TRDMT1: variants seen among roughly 807,000 people sequenced by gnomAD.
The protein encoded by TRDMT1 is tRNA aspartic acid methyltransferase 1, also known as tRNA (cytosine(38)-C(5))-methyltransferase.
Under a neutral mutation model 51.2 loss-of-function variants are expected in TRDMT1, and 49 were observed. That is an observed-to-expected ratio of 0.96 (90% CI 0.76 to 1.21). The LOEUF is 1.21. Among genes scored for constraint, TRDMT1 ranks in the 50% most tolerant of loss-of-function variants. The pLI is 0.00. For missense variants in TRDMT1, 534 were observed against 462.3 expected (o/e 1.16, Z -1.42); for synonymous variants, 187 against 164.6 (o/e 1.14, Z -1.04).
chr10:17,148,732 A>T lies in TRDMT1; in HGVS notation c.*308T>A. ...TTCACAAGATACTCATGTAGACACT[A>T]AAGCTCTAGTGCTCCTTGATTTGTT... is the stretch of plus-strand genomic sequence containing the variant. On this transcript the variant is annotated 3_prime_UTR_variant, in exon 11 of 11. Transcript: ENST00000377799. 1 of 1,011,324 alleles carries T rather than the reference A, an allele frequency of 9.9e-7. No homozygotes were observed. Among genetic ancestry groups the T allele is most frequent in the Non-Finnish European group, 1.2e-6 (1 of 846,308 alleles). The allele number at this position is 1,011,324 out of a possible 1,614,324, so 62.6% of individuals were successfully genotyped here.
chr10:17,201,414 G>A, intron 1 of TRDMT1, 157 bp downstream of exon 1: 1 of 660,062 alleles, frequency 1.5e-6, no homozygotes, highest in Non-Finnish European at 2.4e-6. Flanking sequence ...ACACGGCGGC[G>A]CGCAGGAGCT....
intron 9 of TRDMT1, among the ~76,000 whole-genome samples, chr10:17,153,875 G>C (rs1839125759): frequency 6.6e-6 from 1 of 152,128 alleles, no homozygotes; most frequent in East Asian, 1.9e-4. Flanking sequence ...CAGGGTGTCT[G>C]TCATTTTTGA....
chr10:17,144,184 C>T lies in TRDMT1; in HGVS notation c.*4856G>A. The T allele has an allele frequency of 1.0e-6, 1 of 985,734 alleles. No individual in the cohort carries two copies. The highest frequency in any genetic ancestry group is 1.2e-6 in the Non-Finnish European group (1 of 829,964). The allele number at this position is 985,734 out of a possible 1,614,324, so 61.1% of individuals were successfully genotyped here. On this transcript the variant is annotated 3_prime_UTR_variant, in exon 11 of 11. Coordinates refer to ENST00000377799, the MANE Select transcript of TRDMT1 (RefSeq NM_004412.7). The stretch of plus-strand genomic sequence containing the variant: ...TTTTTCTCTTTCTCTCTTTCACTCT[C>T]ATCCTCTGACCCTCTAGGTGATCTC...
intron 1 of TRDMT1, among the ~76,000 whole-genome samples, chr10:17,182,066 T>A (rs1275477061): frequency 2.0e-5 from 3 of 152,134 alleles, no homozygotes; most frequent in African/African-American, 7.2e-5. Context: ...ATAAGCCAAT[T>A]AGGCACAATA....
intron 2 of TRDMT1, chr10:17,171,778 A>G (rs1842051858): frequency 6.6e-6 from 1 of 152,270 alleles, no homozygotes; most frequent in Non-Finnish European, 1.5e-5. Context: ...TCCTCCTAAC[A>G]CGGCAGCTTC....
rs535901612 is a variant in TRDMT1, at chr10:17,169,177, A to T, written c.175-260T>A. ...CAGAGCTGGAACAGTTGTTTCCTGG[A>T]TCCTAAGCACATCTGGCCTGTATCA... On this transcript the variant is annotated intron_variant, in intron 2 of 10. Transcript: ENST00000377799. 8.3e-5 allele frequency: 45 copies of T among 540,486 alleles called. No individual in the cohort carries two copies. In the South Asian group the frequency reaches 1.1e-3, roughly 13 times the overall value. 33.5% of individuals were successfully genotyped at this position (540,486 alleles called of 1,614,324 possible). A position where few individuals can be genotyped will look rare whatever the true frequency, so the allele number is the denominator to read the frequency against.
At chr10:17,155,883 A>G (rs1194707519) in intron 8 of TRDMT1, among the ~76,000 whole-genome samples, 2 of 152,324 alleles carry the variant, frequency 1.3e-5, no homozygotes, top group East Asian at 3.9e-4. Flanking sequence ...CTTTTATGCC[A>G]TCTTTATAAT....
rs763925703 is a variant in TRDMT1, at chr10:17,154,683, A to G, written c.939T>C (p.Asp313=). 5.0e-6 allele frequency: 8 copies of G among 1,599,994 alleles called. No homozygotes were observed. The African/African-American group carries it at 1.1e-4, about 22-fold the overall frequency. ...GTGSVLQTAE[D]VQVENIYKSL... ...TTTAAAACATGCATAGTACCTGCAC[A>G]TCCTCTGCAGTCTGTAACACAGACC... Residue 313 remains aspartate, a synonymous_variant, in exon 9 of 11, where the codon GAT becomes GAC. Coordinates refer to ENST00000377799, the MANE Select transcript of TRDMT1 (RefSeq NM_004412.7).
intron 1 of TRDMT1, 74 bp downstream of exon 1, chr10:17,201,497 G>A (rs1440703868): frequency 1.7e-5 from 20 of 1,165,726 alleles, no homozygotes; most frequent in African/African-American, 6.6e-5. Flanking sequence ...TCGCCGCTCC[G>A]CCCCTTCCCG....
intron 1 of TRDMT1, among the ~76,000 whole-genome samples, chr10:17,177,103 C>A (rs1427494981): frequency 2.0e-5 from 3 of 151,000 alleles, no homozygotes; most frequent in Non-Finnish European, 2.9e-5. Flanking sequence ...AGTTATTATT[C>A]AGGATTTCAT....
intron 1 of TRDMT1, among the ~76,000 whole-genome samples, chr10:17,177,351 G>A (rs1167446532): frequency 5.3e-5 from 8 of 151,914 alleles, no homozygotes; most frequent in African/African-American, 1.9e-4. Flanking sequence ...ACAGACACTT[G>A]CCACCACACC....
At position 17,143,890 on chromosome 10, in the gene TRDMT1, G is replaced by A. The variant is rs747433190; in HGVS notation, c.*5150C>T. On this transcript the variant is annotated 3_prime_UTR_variant, in exon 11 of 11. Transcript: ENST00000377799. ...AGTGGAACTGACTATAGAATGGAGT[G>A]TGCTTAGGTTGCAAGCATGCTAAAT... The A allele has an allele frequency of 4.1e-6, 4 of 984,854 alleles. No individual in the cohort carries two copies. The highest frequency in any genetic ancestry group is 4.8e-6 in the Non-Finnish European group (4 of 829,774). 61.0% of individuals were successfully genotyped at this position (984,854 alleles called of 1,614,324 possible). A position where few individuals can be genotyped will look rare whatever the true frequency, so the allele number is the denominator to read the frequency against.
At chr10:17,154,241 A>G (rs1316726489) in intron 9 of TRDMT1, among the ~76,000 whole-genome samples, 2 of 152,176 alleles carry the variant, frequency 1.3e-5, no homozygotes, top group Non-Finnish European at 2.9e-5. Context: ...GTATTCAACC[A>G]TGACACCATG....
At chr10:17,166,911 C>G (rs2131470131) in intron 3 of TRDMT1, among the ~76,000 whole-genome samples, 1 of 152,270 alleles carries the variant, frequency 6.6e-6, no homozygotes, top group East Asian at 1.9e-4. Flanking sequence ...CTAGAGCCAC[C>G]CTGAGATGGA....
In TRDMT1 at chr10:17,139,109, A is replaced by G; in HGVS notation, c.*9931T>C. The G allele has an allele frequency of 5.4e-6, 5 of 929,476 alleles. No homozygotes were observed. The highest frequency in any genetic ancestry group is 6.4e-6 in the Non-Finnish European group (5 of 778,710). The allele number at this position is 929,476 out of a possible 1,614,324, so 57.6% of individuals were successfully genotyped here. On this transcript the variant is annotated 3_prime_UTR_variant, in exon 11 of 11. Transcript: ENST00000377799. ...CCGGAATGGGGACTTCAGCAGCTCCATTGGATTAATCCAAGCTTGGTTTCC... is the reference window on the plus strand; with the variant it reads ...CCGGAATGGGGACTTCAGCAGCTCCGTTGGATTAATCCAAGCTTGGTTTCC...
chr10:17,153,111 T>G, intron 10 of TRDMT1: 1 of 266,650 alleles, frequency 3.8e-6, no homozygotes, highest in Non-Finnish European at 7.1e-6. Flanking sequence ...TCAACTGCCT[T>G]TTAATTTATA....
intron 3 of TRDMT1, among the ~76,000 whole-genome samples, chr10:17,165,795 G>A (rs1482334200): frequency 6.6e-6 from 1 of 152,222 alleles, no homozygotes; most frequent in Non-Finnish European, 1.5e-5. Context: ...GGCCATCAGA[G>A]AAATGCAAAT....
chr10:17,191,759 G>A (rs1429378471), intron 1 of TRDMT1, among the ~76,000 whole-genome samples: 1 of 152,080 alleles, frequency 6.6e-6, no homozygotes, highest in African/African-American at 2.4e-5. Context: ...TGTATCTTCT[G>A]GCTCCTTTCT....
In TRDMT1 at chr10:17,144,664, A is replaced by G; in HGVS notation, c.*4376T>C. 1.0e-6 allele frequency: 1 copy of G among 985,408 alleles called. No homozygotes were observed. Among genetic ancestry groups the G allele is most frequent in the Non-Finnish European group, 1.2e-6 (1 of 829,904 alleles). The allele number at this position is 985,408 out of a possible 1,614,324, so 61.0% of individuals were successfully genotyped here. Reference sequence around the variant, plus strand: ...TTCTTGAACAAATATATTTAAAAAGAAATAAATTCACAAGCTAAGACATGA... The same window carrying G: ...TTCTTGAACAAATATATTTAAAAAGGAATAAATTCACAAGCTAAGACATGA... On this transcript the variant is annotated 3_prime_UTR_variant, in exon 11 of 11. Transcript: ENST00000377799.
Sources: gnomAD v4.1 joint callset for allele counts (sites outside exome capture counted in the v4.1 genomes callset) on GRCh38, gnomAD v4.1.1 for gene constraint, MANE v1.5 for transcripts, NCBI Gene and HGNC (gene_info 2026-07-23, HGNC 2026-07-21) for gene names.